The following CCDC88C variants were observed in gnomAD, a reference collection of about 807,000 sequenced individuals.
The protein encoded by CCDC88C is protein Daple.
In CCDC88C, 131 loss-of-function variants were observed where a neutral mutation model predicts 198.8. The observed-to-expected ratio is 0.66, with a 90% confidence interval of 0.57 to 0.76. CCDC88C has a LOEUF of 0.76. CCDC88C is among the 30% of genes least tolerant of loss of function. The pLI, the probability that CCDC88C is intolerant of heterozygous loss-of-function variation, is 0.00. For missense variants in CCDC88C, 2,553 were observed against 2,631.6 expected, an observed-to-expected ratio of 0.97 and a Z score of 0.65; for synonymous variants, 1,166 against 1,114.7, an observed-to-expected ratio of 1.05 and a Z score of -0.92.
chr14:91,274,287 T>C (rs1402826042), intron 29 of CCDC88C, among the ~76,000 whole-genome samples: 1 of 152,006 alleles, frequency 6.6e-6, no homozygotes, highest in African/African-American at 2.4e-5. Flanking sequence ...CACAGGGAAA[T>C]GAAGACACCA....
chr14:91,312,609 T>C (rs7147911), intron 15 of CCDC88C, among the ~76,000 whole-genome samples: 3,174 of 152,226 alleles, frequency 0.021, 128 homozygotes, highest in African/African-American at 0.072. Flanking sequence ...CGCTTGAATC[T>C]GGGAGGCAGA....
At chr14:91,364,682 G>T (rs1045656275) in intron 3 of CCDC88C, among the ~76,000 whole-genome samples, 6 of 152,140 alleles carry the variant, frequency 3.9e-5, no homozygotes, top group Non-Finnish European at 5.9e-5. Context: ...AGGTGGCAGG[G>T]GCAGCAGTTG....
intron 3 of CCDC88C, among the ~76,000 whole-genome samples, chr14:91,391,589 G>A (rs1377650850): frequency 6.6e-6 from 1 of 152,148 alleles, no homozygotes; most frequent in Non-Finnish European, 1.5e-5. Flanking sequence ...GACCAGCCTG[G>A]CCAACATGGT....
At chr14:91,403,043 T>C (rs1474248270) in intron 3 of CCDC88C, among the ~76,000 whole-genome samples, 5 of 152,146 alleles carry the variant, frequency 3.3e-5, no homozygotes, top group African/African-American at 1.2e-4. Context: ...CTGGTCACCA[T>C]GCAACTGTAG....
Position 91,310,142 on chromosome 14 carries a change from G to A in CCDC88C, c.2737-156C>T, listed in dbSNP as rs193082265. ...TCTGAACCCCAGGGATGCTCTTCCCGAGGAAAGCCAATGAATGCACTTGTC... is the reference window on the plus strand; with the variant it reads ...TCTGAACCCCAGGGATGCTCTTCCCAAGGAAAGCCAATGAATGCACTTGTC... On this transcript the variant is annotated intron_variant, in intron 15 of 29. Transcript: ENST00000389857. Among the ~76,000 whole-genome samples, 315 of 152,080 alleles carry A rather than the reference G, an allele frequency of 2.1e-3. 3 individuals carry two copies. Among genetic ancestry groups the A allele is most frequent in the African/African-American group, 4.5e-3 (186 of 41,488 alleles).
At position 91,284,612 on chromosome 14, in the gene CCDC88C, G is replaced by T. The variant is rs1384702166; in HGVS notation, c.4442-1095C>A. Among the ~76,000 whole-genome samples the T allele has an allele frequency of 6.6e-6, 1 of 152,198 alleles. No homozygotes were observed. The highest frequency in any genetic ancestry group is 1.5e-5 in the Non-Finnish European group (1 of 68,032). On this transcript the variant is annotated intron_variant, in intron 25 of 29. Transcript: ENST00000389857. The surrounding 1 kb of genome is among the most constrained non-coding windows in gnomAD (Gnocchi z 4.1). Reference sequence around the variant, plus strand: ...AGCATGCGCGGAAGGCAGGTCTGGAGGACCCGGCACCACGGCAGCCCAGGG... The same window carrying T: ...AGCATGCGCGGAAGGCAGGTCTGGATGACCCGGCACCACGGCAGCCCAGGG...
At chr14:91,290,253 C>T (rs912817982) in intron 24 of CCDC88C, among the ~76,000 whole-genome samples, 2 of 152,246 alleles carry the variant, frequency 1.3e-5, no homozygotes, top group African/African-American at 4.8e-5. Context: ...ACCTGGATGT[C>T]ACAGCGAGAC....
intron 29 of CCDC88C, among the ~76,000 whole-genome samples, chr14:91,274,726 T>C (rs1021650821): frequency 2.0e-5 from 3 of 152,224 alleles, no homozygotes; most frequent in South Asian, 2.1e-4. Context: ...TGTGGGGCCA[T>C]GTGCTGTTCT....
chr14:91,322,591 G>A (rs974920331), intron 12 of CCDC88C, among the ~76,000 whole-genome samples: 8 of 152,152 alleles, frequency 5.3e-5, no homozygotes, highest in African/African-American at 1.9e-4. Context: ...CAAAACCTGT[G>A]GTCATCTGGA....
intron 3 of CCDC88C, among the ~76,000 whole-genome samples, chr14:91,364,156 C>A (rs1361143507): frequency 6.6e-6 from 1 of 152,258 alleles, no homozygotes; most frequent in Admixed American, 6.5e-5. Flanking sequence ...GCTGAGGCCT[C>A]TGTCTTGTCA....
chr14:91,294,858 C>T (rs1201210691), intron 22 of CCDC88C, among the ~76,000 whole-genome samples: 1 of 152,176 alleles, frequency 6.6e-6, no homozygotes, highest in African/African-American at 2.4e-5. Flanking sequence ...GGGGTTTCAT[C>T]ATGTTGGCAG....
chr14:91,384,299 A>AT, intron 3 of CCDC88C: 1 of 331,222 alleles, frequency 3.0e-6, no homozygotes, highest in Non-Finnish European at 5.8e-6. Flanking sequence ...TGTATTTGAA[A>AT]TTTTTATTTT....
chr14:91,347,478 A>C (rs1410366798), intron 4 of CCDC88C, among the ~76,000 whole-genome samples: 1 of 152,198 alleles, frequency 6.6e-6, no homozygotes, highest in Non-Finnish European at 1.5e-5. Context: ...AACTCAAACA[A>C]ATTTACAAGA....
chr14:91,359,775 G>T, intron 3 of CCDC88C, 64 bp from the exon 4 acceptor site: 1 of 1,442,462 alleles, frequency 6.9e-7, no homozygotes, highest in Non-Finnish European at 9.6e-7. Context: ...GAGGGATTAA[G>T]TAAATTACAA....
chr14:91,363,280 CTT>C (rs1006691437), intron 3 of CCDC88C, among the ~76,000 whole-genome samples: 2 of 145,866 alleles, frequency 1.4e-5, no homozygotes, highest in Admixed American at 6.8e-5. Context: ...TATTATTTTA[CTT>C]TTTTTTTTTG....
chr14:91,399,796 G>A (rs1376362427), intron 3 of CCDC88C, among the ~76,000 whole-genome samples: 13 of 145,292 alleles, frequency 8.9e-5, no homozygotes, highest in African/African-American at 5.1e-5. Flanking sequence ...CCGAGATCGC[G>A]CCACTGCACT....
chr14:91,387,141 G>A (rs1310991694), intron 3 of CCDC88C, among the ~76,000 whole-genome samples: 1 of 152,196 alleles, frequency 6.6e-6, no homozygotes, highest in Non-Finnish European at 1.5e-5. Flanking sequence ...AAAACGCACA[G>A]CCTAACACAA....
At chr14:91,277,550 T>G (rs1324948870) in intron 29 of CCDC88C, among the ~76,000 whole-genome samples, 1 of 152,176 alleles carries the variant, frequency 6.6e-6, no homozygotes, top group African/African-American at 2.4e-5. Flanking sequence ...TCTGGCCCTT[T>G]CAAGGTCCTT....
At chr14:91,329,415 C>A (rs570961745) in intron 10 of CCDC88C, among the ~76,000 whole-genome samples, 1 of 152,346 alleles carries the variant, frequency 6.6e-6, no homozygotes, top group East Asian at 1.9e-4. Context: ...TCAGCCCTAA[C>A]GTGAGCTGCT....
Sources: gnomAD v4.1 joint callset for allele counts (sites outside exome capture counted in the v4.1 genomes callset) on GRCh38, gnomAD v4.1.1 for gene constraint, Gnocchi (gnomAD v3.1) non-coding constraint, MANE v1.5 for transcripts, NCBI Gene and HGNC (gene_info 2026-07-23, HGNC 2026-07-21) for gene names.